The following EPHA7 variants were observed in gnomAD, a reference collection of about 807,000 sequenced individuals.
EPHA7 encodes the protein ephrin type-A receptor 7.
Under a neutral mutation model 112.6 loss-of-function variants are expected in EPHA7, and 25 were observed. The observed-to-expected ratio is 0.22, with a 90% CI of 0.16 to 0.31. The LOEUF (loss-of-function observed/expected upper bound fraction) is 0.31, where lower values mean the gene tolerates loss of function less well. EPHA7 is among the 10% of genes least tolerant of loss of function. The pLI, the probability that EPHA7 is intolerant of heterozygous loss-of-function variation, is 1.00. For synonymous variants in EPHA7, 437 were observed against 406.5 expected (o/e 1.07, Z -0.90); for missense variants, 962 against 1,212.6 (o/e 0.79, Z 3.07).
chr6:93,343,045 G>A (rs1329724788), intron 5 of EPHA7, among the ~76,000 whole-genome samples: 2 of 151,604 alleles, frequency 1.3e-5, no homozygotes, highest in African/African-American at 4.8e-5. Flanking sequence ...AACACTTTTT[G>A]TTCTTTGGAA....
chr6:93,418,087 A>G (rs1052103540), intron 1 of EPHA7, among the ~76,000 whole-genome samples: 1 of 151,994 alleles, frequency 6.6e-6, no homozygotes, highest in Admixed American at 6.5e-5. Context: ...CACATCAGGA[A>G]TAAGTAATTA....
At chr6:93,250,460 A>G (rs1430010449) in intron 14 of EPHA7, among the ~76,000 whole-genome samples, 1 of 152,142 alleles carries the variant, frequency 6.6e-6, no homozygotes, top group African/African-American at 2.4e-5. Flanking sequence ...TCATTATTAT[A>G]CTGATTCTAG....
intron 3 of EPHA7, among the ~76,000 whole-genome samples, chr6:93,405,927 G>A (rs187640950): frequency 1.5e-4 from 22 of 147,540 alleles, no homozygotes; most frequent in Admixed American, 9.5e-4. Flanking sequence ...ACTTGTCTGC[G>A]AAAATAAAGG....
chr6:93,401,756 A>G (rs1778447747), intron 3 of EPHA7, among the ~76,000 whole-genome samples: 1 of 151,998 alleles, frequency 6.6e-6, no homozygotes, highest in Non-Finnish European at 1.5e-5. Flanking sequence ...AGAAAAATTG[A>G]AACAAAAAGA....
At position 93,243,133 on chromosome 6, in the gene EPHA7, C is replaced by G. The variant is rs41273625; in HGVS notation, c.*293G>C. 0.033 allele frequency: 9,108 copies of G among 277,702 alleles called. 200 individuals carry two copies. The highest frequency in any genetic ancestry group is 0.11 in the Middle Eastern group (111 of 998). 17.2% of individuals were successfully genotyped at this position (277,702 alleles called of 1,614,324 possible). On this transcript the variant is annotated 3_prime_UTR_variant, in exon 17 of 17. Transcript: ENST00000369303. ...ATTCTTTATGTACATTTTAAAAAGTCTATAAGACAAAAAGGAGGTTAGAGA... is the reference window on the plus strand; with the variant it reads ...ATTCTTTATGTACATTTTAAAAAGTGTATAAGACAAAAAGGAGGTTAGAGA...
In EPHA7 at chr6:93,385,900, T is replaced by A. The variant is rs562743208; in HGVS notation, c.832+24601A>T. 3.9e-5 allele frequency among the ~76,000 whole-genome samples: 6 copies of A among 152,246 alleles called. No individual in the cohort carries two copies. In the South Asian group the frequency reaches 1.2e-3, roughly 32 times the overall value. On this transcript the variant is annotated intron_variant, in intron 3 of 16. Coordinates refer to ENST00000369303, the MANE Select transcript of EPHA7 (RefSeq NM_004440.4). ...GAAGGGGACGCAAACACGTCCTTCT[T>A]CACATGGCAGCAGGAGAGAGAAGTG...
chr6:93,303,731 G>GA (rs1166913770), intron 5 of EPHA7, among the ~76,000 whole-genome samples: 1 of 152,072 alleles, frequency 6.6e-6, no homozygotes, highest in Non-Finnish European at 1.5e-5. Context: ...GTAGATAGGT[G>GA]ATTTATGATG....
At chr6:93,314,520 C>T (rs1328911788) in intron 5 of EPHA7, among the ~76,000 whole-genome samples, 1 of 152,164 alleles carries the variant, frequency 6.6e-6, no homozygotes, top group Non-Finnish European at 1.5e-5. Context: ...CATACATCTA[C>T]TGACCATTTG....
intron 5 of EPHA7, among the ~76,000 whole-genome samples, chr6:93,336,664 G>A (rs1483545956): frequency 6.6e-6 from 1 of 152,004 alleles, no homozygotes; most frequent in Non-Finnish European, 1.5e-5. Context: ...GCCTCCCAAA[G>A]TGCTGGGATT....
At chr6:93,253,922 A>G (rs1292313276) in intron 14 of EPHA7, among the ~76,000 whole-genome samples, 4 of 152,012 alleles carry the variant, frequency 2.6e-5, no homozygotes, top group Non-Finnish European at 5.9e-5. Context: ...TAATAAAAGC[A>G]ACTTTTTTTT....
intron 3 of EPHA7, among the ~76,000 whole-genome samples, chr6:93,358,691 A>G (rs1234384592): frequency 6.6e-6 from 1 of 152,234 alleles, no homozygotes; most frequent in Admixed American, 6.5e-5. Flanking sequence ...TAATTTATTT[A>G]GCCAAAACCT....
chr6:93,279,068 G>A (rs980763993), intron 5 of EPHA7, among the ~76,000 whole-genome samples: 10 of 151,996 alleles, frequency 6.6e-5, no homozygotes, highest in African/African-American at 2.4e-4. Context: ...TTTTTTAAAT[G>A]GAAAATGTGT....
chr6:93,283,588 G>A (rs1771889177), intron 5 of EPHA7, among the ~76,000 whole-genome samples: 1 of 151,734 alleles, frequency 6.6e-6, no homozygotes, highest in Admixed American at 6.6e-5. Context: ...AACTCCAGAC[G>A]CACTGCCTTA....
chr6:93,316,566 A>C (rs1461782709), intron 5 of EPHA7, among the ~76,000 whole-genome samples: 1 of 152,152 alleles, frequency 6.6e-6, no homozygotes, highest in Non-Finnish European at 1.5e-5. Flanking sequence ...AAAGCAATAT[A>C]TACTCTTCTG....
intron 3 of EPHA7, among the ~76,000 whole-genome samples, chr6:93,384,565 C>A (rs1367406984): frequency 6.6e-6 from 1 of 152,138 alleles, no homozygotes; most frequent in Non-Finnish European, 1.5e-5. Context: ...CCCTAGCTAT[C>A]TGATCATCAA....
chr6:93,250,488 C>T (rs1340878350), intron 14 of EPHA7, among the ~76,000 whole-genome samples: 2 of 151,668 alleles, frequency 1.3e-5, no homozygotes, highest in Non-Finnish European at 2.9e-5. Context: ...GAATGTGTGG[C>T]GCACAGGAAA....
chr6:93,266,845 C>G (rs1200471497), intron 7 of EPHA7, among the ~76,000 whole-genome samples: 1 of 151,682 alleles, frequency 6.6e-6, no homozygotes, highest in African/African-American at 2.4e-5. Flanking sequence ...AGATCATGAA[C>G]TGTGTGTTTC....
intron 3 of EPHA7, among the ~76,000 whole-genome samples, chr6:93,387,974 G>GATAGATAC (rs1562146955): frequency 6.7e-6 from 1 of 149,592 alleles, no homozygotes; most frequent in Non-Finnish European, 1.5e-5. Context: ...TAGATAGATA[G>GATAGATAC]ATAGAATAGA....
At chr6:93,300,631 T>A (rs117004815) in intron 5 of EPHA7, among the ~76,000 whole-genome samples, 2,515 of 152,314 alleles carry the variant, frequency 0.017, 19 homozygotes, top group Non-Finnish European at 0.024. Context: ...CAAATAACTA[T>A]GAAAATTCTC....
Sources: gnomAD v4.1 joint callset for allele counts (sites outside exome capture counted in the v4.1 genomes callset) on GRCh38, gnomAD v4.1.1 for gene constraint, MANE v1.5 for transcripts, NCBI Gene and HGNC (gene_info 2026-07-23, HGNC 2026-07-21) for gene names.